FAT4: variants seen among roughly 807,000 people sequenced by gnomAD.
FAT4 encodes protocadherin Fat 4.
Under a neutral mutation model 303.9 loss-of-function variants are expected in FAT4, and 84 were observed. That is an observed-to-expected ratio of 0.28 (90% confidence interval 0.23 to 0.33). The LOEUF (loss-of-function observed/expected upper bound fraction) is 0.33. Ranked by LOEUF, FAT4 falls within the 10% of genes least tolerant of loss-of-function variation. The pLI is 1.00. For missense variants in FAT4, 6,005 were observed against 6,146.8 expected (o/e 0.98, Z 0.77); for synonymous variants, 2,307 against 2,298.8 (o/e 1.00, Z -0.10).
chr4:125,334,326 C>T (rs187553821), intron 2 of FAT4, among the ~76,000 whole-genome samples: 1 of 152,070 alleles, frequency 6.6e-6, no homozygotes, highest in East Asian at 1.9e-4. Context: ...CCCACATGCC[C>T]CCTCACCTCT....
chr4:125,457,453 A>G (rs1726322809), intron 10 of FAT4, among the ~76,000 whole-genome samples: 2 of 152,136 alleles, frequency 1.3e-5, no homozygotes, highest in South Asian at 4.1e-4. Flanking sequence ...GTATAAAACA[A>G]CTATATTTTT....
rs763505426 is a variant in FAT4, at chr4:125,320,570, A to G, written c.4159A>G (p.Lys1387Glu). ...GGACTTTGAAACACAGTCTTTGTAT[A>G]AATTAAATATAACAGCAAAAGACCA... The part of the protein sequence containing the change: ...KLDFETQSLY[K>E]LNITAKDQGR... Residue 1387 changes from lysine to glutamate, a missense_variant, in exon 2 of 18, where the codon AAA becomes GAA. Physicochemically the swap from Lys to Glu is moderately conservative, Grantham distance 56 (BLOSUM62 1). Transcript: ENST00000394329. 6.2e-7 allele frequency: 1 copy of G among 1,614,020 alleles called. No individual in the cohort carries two copies. The highest frequency in any genetic ancestry group is 2.2e-5 in the East Asian group (1 of 44,876).
rs1407292926 is a variant in FAT4 at position 125,320,512 on chromosome 4, A to C, written c.4101A>C (p.Pro1367=). 6.2e-7 allele frequency: 1 copy of C among 1,613,960 alleles called. No homozygotes were observed. Among genetic ancestry groups the C allele is most frequent in the Non-Finnish European group, 8.5e-7 (1 of 1,179,960 alleles). ...TNNHGTFSIS[P]NTGSIFLAKK... ...ACCACGGAACTTTTAGCATTAGCCC[A>C]AACACTGGGAGTATTTTTCTTGCCA... Residue 1367 remains proline, a synonymous_variant, in exon 2 of 18, where the codon CCA becomes CCC. Transcript: ENST00000394329.
At position 125,451,790 on chromosome 4, in the gene FAT4, C is replaced by T. The variant is rs374073545; in HGVS notation, c.10780C>T (p.Pro3594Ser). 8.9e-5 allele frequency: 143 copies of T among 1,614,158 alleles called. No homozygotes were observed. Among genetic ancestry groups the T allele is most frequent in the Non-Finnish European group, 1.2e-4 (137 of 1,180,024 alleles). ...LSVVTKDSGV[P>S]QMSSTGTVHI... ...TGTGGTTACCAAGGATTCTGGTGTT[C>T]CTCAAATGTCTTCCACAGGAACTGT... Residue 3594 changes from proline (P) to serine (S), a missense_variant, in exon 10 of 18, where the codon CCT (proline) becomes TCT (serine). By Grantham distance (74) the Pro-to-Ser change is moderately conservative (BLOSUM62 -1). Coordinates refer to ENST00000394329, the MANE Select transcript of FAT4 (RefSeq NM_001291303.3).
chr4:125,366,142 A>C (rs932114615), intron 2 of FAT4, among the ~76,000 whole-genome samples: 2 of 152,110 alleles, frequency 1.3e-5, no homozygotes, highest in African/African-American at 4.8e-5. Context: ...GGGACTGCTG[A>C]TATAGGTAAA....
chr4:125,422,942 C>G (rs1049599114), intron 7 of FAT4, among the ~76,000 whole-genome samples: 2 of 152,142 alleles, frequency 1.3e-5, no homozygotes, highest in Non-Finnish European at 2.9e-5. Context: ...TTCTTGGAAA[C>G]TGGAGCAAAG....
At chr4:125,438,066 C>T (rs1016581545) in intron 8 of FAT4, among the ~76,000 whole-genome samples, 2 of 152,150 alleles carry the variant, frequency 1.3e-5, no homozygotes, top group African/African-American at 4.8e-5. Flanking sequence ...AAGAGATGCC[C>T]TATCTATTGT....
Position 125,317,704 on chromosome 4 carries a change from C to T in FAT4, c.1293C>T (p.Ile431=). 1.2e-6 allele frequency: 2 copies of T among 1,614,106 alleles called. No individual in the cohort carries two copies. Among genetic ancestry groups the T allele is most frequent in the East Asian group, 4.5e-5 (2 of 44,876 alleles). ...CCAGCGCCTTGGACCGCGAGCGCATCCCTTCCTACAACCTCACAGTTTCCG... is the reference window on the plus strand; with the variant it reads ...CCAGCGCCTTGGACCGCGAGCGCATTCCTTCCTACAACCTCACAGTTTCCG... ...KVASALDRER[I]PSYNLTVSVS... is the part of the protein sequence containing the mutation. The change falls in exon 2 of 18, where the codon ATC becomes ATT. Residue 431 remains isoleucine (I), a synonymous_variant. Coordinates refer to ENST00000394329, the MANE Select transcript of FAT4 (RefSeq NM_001291303.3). This position sits in a 1 kb window ranked among gnomAD's most constrained non-coding sequence, Gnocchi z 7.0.
chr4:125,480,568 C>A (rs190542283), intron 15 of FAT4, among the ~76,000 whole-genome samples: 3 of 152,068 alleles, frequency 2.0e-5, no homozygotes, highest in East Asian at 3.9e-4. Flanking sequence ...AGGTATCTGA[C>A]TACATTTAAG....
rs530998202 is a variant in FAT4 at position 125,492,023 on chromosome 4, A to G, written c.*255A>G. 26 of 413,660 alleles carry G rather than the reference A, an allele frequency of 6.3e-5. No individual in the cohort carries two copies. The highest frequency in any genetic ancestry group is 4.6e-4 in the African/African-American group (23 of 49,614). 25.6% of individuals were successfully genotyped at this position (413,660 alleles called of 1,614,324 possible). ...TAGTTATGTGGCATGCAGCATTTGG[A>G]AAATTTTTCTTATTTACCAGTGTTT... On this transcript the variant is annotated 3_prime_UTR_variant, in exon 18 of 18. Coordinates refer to ENST00000394329, the MANE Select transcript of FAT4 (RefSeq NM_001291303.3).
intron 14 of FAT4, among the ~76,000 whole-genome samples, chr4:125,478,004 G>T (rs951277262): frequency 1.3e-5 from 2 of 152,028 alleles, no homozygotes; most frequent in Admixed American, 1.3e-4. Context: ...TGACTGCTTA[G>T]TATCCCAAGA....
chr4:125,449,757 A>G lies in FAT4; in HGVS notation c.8747A>G (p.Gln2916Arg). The change falls in exon 10 of 18, where the codon CAA (glutamine) becomes CGA (arginine). Residue 2916 changes from glutamine to arginine, a missense_variant. Coordinates refer to ENST00000394329, the MANE Select transcript of FAT4 (RefSeq NM_001291303.3). ...CAAGTGTTTTATTTCATAAAATCCC[A>G]ATCAGAATATTTCAGGATTAATGCC... The part of the protein sequence containing the change: ...NGQVFYFIKS[Q>R]SEYFRINATT... 2 of 1,613,762 alleles carry G rather than the reference A, an allele frequency of 1.2e-6. No individual in the cohort carries two copies. The highest frequency in any genetic ancestry group is 1.7e-6 in the Non-Finnish European group (2 of 1,179,868).
intron 2 of FAT4, among the ~76,000 whole-genome samples, chr4:125,395,735 A>G (rs1474949648): frequency 6.6e-6 from 1 of 152,196 alleles, no homozygotes; most frequent in Non-Finnish European, 1.5e-5. Context: ...ATATATCAGA[A>G]TATAATGATG....
chr4:125,396,946 AT>A lies in FAT4; in HGVS notation c.5176-1837del, dbSNP rs1560797429. On this transcript the variant is annotated intron_variant, in intron 2 of 17. Coordinates refer to ENST00000394329, the MANE Select transcript of FAT4 (RefSeq NM_001291303.3). Reference sequence around the variant, plus strand: ...TGTGTGTATATATATATATATATATATATATATATATATATATATAAAATAT... The same window carrying A: ...TGTGTGTATATATATATATATATATAATATATATATATATATATAAAATAT... Among the ~76,000 whole-genome samples the A allele has an allele frequency of 1.6e-3, 233 of 144,358 alleles. 2 individuals are homozygous for A. The highest frequency in any genetic ancestry group is 5.5e-3 in the African/African-American group (214 of 38,658). 94.7% of individuals were successfully genotyped at this position (144,358 alleles called of 152,430 possible).
At chr4:125,393,263 T>A (rs929157041) in intron 2 of FAT4, among the ~76,000 whole-genome samples, 1 of 152,184 alleles carries the variant, frequency 6.6e-6, no homozygotes, top group Non-Finnish European at 1.5e-5. Flanking sequence ...GATATGCATT[T>A]AAGAATATGT....
At chr4:125,356,464 A>G (rs1449211834) in intron 2 of FAT4, among the ~76,000 whole-genome samples, 2 of 151,808 alleles carry the variant, frequency 1.3e-5, no homozygotes, top group Non-Finnish European at 2.9e-5. Context: ...CTAAAGAAAT[A>G]TAAAAAGAAG....
chr4:125,369,754 C>T (rs1377282176), intron 2 of FAT4, among the ~76,000 whole-genome samples: 1 of 152,090 alleles, frequency 6.6e-6, no homozygotes, highest in African/African-American at 2.4e-5. Flanking sequence ...AACTCTCTAC[C>T]CATTAAACAC....
At chr4:125,465,387 C>T (rs551303037) in intron 11 of FAT4, among the ~76,000 whole-genome samples, 1 of 152,172 alleles carries the variant, frequency 6.6e-6, no homozygotes, top group East Asian at 1.9e-4. Context: ...CTACAGATAA[C>T]CACAGTCAAA....
chr4:125,327,938 C>G (rs1053569655), intron 2 of FAT4, among the ~76,000 whole-genome samples: 79 of 152,102 alleles, frequency 5.2e-4, no homozygotes, highest in African/African-American at 1.8e-3. Flanking sequence ...GCATTAGTGA[C>G]TGTAGCAAAC....
Sources: gnomAD v4.1 joint callset for allele counts (sites outside exome capture counted in the v4.1 genomes callset) on GRCh38, gnomAD v4.1.1 for gene constraint, Gnocchi (gnomAD v3.1) non-coding constraint, MANE v1.5 for transcripts, NCBI Gene and HGNC (gene_info 2026-07-23, HGNC 2026-07-21) for gene names.